Variants in NRG1 observed in about 807,000 individuals in gnomAD.
NRG1 encodes the protein pro-neuregulin-1, membrane-bound isoform.
NRG1 carries 18 observed loss-of-function variants against 63.8 expected under a neutral mutation model. The ratio of observed to expected loss-of-function variants is 0.28; its 90% confidence interval spans 0.19 to 0.42. The LOEUF is 0.42. NRG1 is among the 10% of genes least tolerant of loss of function. NRG1 has a pLI of 1.00. For synonymous variants in NRG1, 302 were observed against 301.3 expected (o/e 1.00, Z -0.02); for missense variants, 762 against 814.7 (o/e 0.94, Z 0.79).
chr8:32,639,267 G>A (rs1348181790), intron 5 of NRG1, among the ~76,000 whole-genome samples: 1 of 152,108 alleles, frequency 6.6e-6, no homozygotes, highest in Non-Finnish European at 1.5e-5. Context: ...TTAGCCAGGT[G>A]TGGTGGTGCA....
At chr8:32,110,629 A>G (rs1178280919) in intron 1 of NRG1, among the ~76,000 whole-genome samples, 1 of 152,146 alleles carries the variant, frequency 6.6e-6, no homozygotes, top group Non-Finnish European at 1.5e-5. Context: ...CTCTGTTACA[A>G]TAGAATCAAA....
chr8:32,656,942 G>T (rs1301951205), intron 5 of NRG1, among the ~76,000 whole-genome samples: 1 of 152,016 alleles, frequency 6.6e-6, no homozygotes, highest in Non-Finnish European at 1.5e-5. Flanking sequence ...TAGTGTTTGA[G>T]TTGCATTTCA....
chr8:32,752,801 G>T (rs766377533), intron 7 of NRG1, among the ~76,000 whole-genome samples: 1 of 151,910 alleles, frequency 6.6e-6, no homozygotes, highest in Non-Finnish European at 1.5e-5. Flanking sequence ...CAGCATTCTA[G>T]TCCTTTACCC....
At chr8:32,080,659 A>G (rs2346767) in intron 1 of NRG1, among the ~76,000 whole-genome samples, 147,875 of 152,154 alleles carry the variant, frequency 0.97, 72,004 homozygotes, top group East Asian at 1. Flanking sequence ...AAGTTCTGAG[A>G]TGATATTTCC....
chr8:31,827,323 G>C (rs1279703471), intron 1 of NRG1, among the ~76,000 whole-genome samples: 2 of 152,188 alleles, frequency 1.3e-5, no homozygotes, highest in Non-Finnish European at 2.9e-5. Context: ...CAAGGTATTT[G>C]TCTTAGAAGA....
At chr8:31,917,283 G>A (rs1373047106) in intron 1 of NRG1, among the ~76,000 whole-genome samples, 2 of 147,356 alleles carry the variant, frequency 1.4e-5, no homozygotes, top group East Asian at 2.0e-4. Flanking sequence ...TCTTGCCCAT[G>A]CCTATGTCCT....
rs1563428953 is a variant in NRG1, at chr8:32,412,463, T to TATATATGTATATATATAC, written c.38-183359_38-183358insGTATATATATACATATAT. On this transcript the variant is annotated intron_variant, in intron 1 of 10. Transcript: ENST00000519301. ...ATATATATATATATACATATATATA[T>TATATATGTATATATATAC]ATATATATATATGAACAGATACATC... 1.8e-3 allele frequency among the ~76,000 whole-genome samples: 212 copies of TATATATGTATATATATAC among 114,994 alleles called. 3 individuals carry two copies. The highest frequency in any genetic ancestry group is 6.6e-3 in the African/African-American group (207 of 31,578). 75.4% of individuals were successfully genotyped at this position (114,994 alleles called of 152,430 possible). A position where few individuals can be genotyped will look rare whatever the true frequency, so the allele number is the denominator to read the frequency against.
intron 1 of NRG1, among the ~76,000 whole-genome samples, chr8:31,733,664 C>T (rs1482231897): frequency 4.6e-5 from 7 of 152,128 alleles, no homozygotes; most frequent in Admixed American, 1.3e-4. Flanking sequence ...GGTTACCAGC[C>T]AGAGGACAGA....
intron 1 of NRG1, among the ~76,000 whole-genome samples, chr8:31,972,118 A>T (rs1807388703): frequency 6.6e-6 from 1 of 152,100 alleles, no homozygotes. Flanking sequence ...AATATTTGCC[A>T]CACTATGCCA....
At chr8:31,665,212 G>T (rs1806404635) in intron 1 of NRG1, among the ~76,000 whole-genome samples, 1 of 152,158 alleles carries the variant, frequency 6.6e-6, no homozygotes, top group South Asian at 2.1e-4. Context: ...CATAGGCTCA[G>T]AAAGTATAAA....
chr8:32,000,460 C>T (rs1208088025), intron 1 of NRG1, among the ~76,000 whole-genome samples: 1 of 151,650 alleles, frequency 6.6e-6, no homozygotes, highest in Non-Finnish European at 1.5e-5. Flanking sequence ...AAAGATGGGA[C>T]CTCACTCTCT....
chr8:32,498,916 T>C (rs1827533823), intron 1 of NRG1, among the ~76,000 whole-genome samples: 1 of 152,202 alleles, frequency 6.6e-6, no homozygotes, highest in East Asian at 1.9e-4. Flanking sequence ...ATAATCCTTA[T>C]GCCAAAGTAG....
At chr8:32,501,152 G>A (rs752539834) in intron 1 of NRG1, among the ~76,000 whole-genome samples, 3 of 152,144 alleles carry the variant, frequency 2.0e-5, no homozygotes, top group Non-Finnish European at 4.4e-5. Context: ...ATCTGTGAAT[G>A]ACAATGACTT....
At position 32,761,293 on chromosome 8, in the gene NRG1, A is replaced by T. The variant is rs567081546; in HGVS notation, c.1259+887A>T. On this transcript the variant is annotated intron_variant, in intron 11 of 11. Coordinates refer to ENST00000356819, the Ensembl canonical transcript of NRG1. Reference sequence around the variant, plus strand: ...CTGGGTTTTACTTTATTTTATTGTCATCTCAGGCTAATCTTTGACCATTTA... The same window carrying T: ...CTGGGTTTTACTTTATTTTATTGTCTTCTCAGGCTAATCTTTGACCATTTA... Among the ~76,000 whole-genome samples the T allele has an allele frequency of 4.6e-5, 7 of 152,228 alleles. No homozygotes were observed. The South Asian group carries it at 1.5e-3, about 32-fold the overall frequency.
At chr8:32,641,970 CA>C (rs1852482231) in intron 5 of NRG1, among the ~76,000 whole-genome samples, 2 of 152,058 alleles carry the variant, frequency 1.3e-5, no homozygotes, top group Non-Finnish European at 2.9e-5. Context: ...AGAGGAATGA[CA>C]AGAAAAAATA....
intron 1 of NRG1, among the ~76,000 whole-genome samples, chr8:32,307,589 TTGTGTGTGTGTG>T (rs371611530): frequency 1.5e-4 from 14 of 93,488 alleles, no homozygotes; most frequent in South Asian, 3.3e-4. Context: ...ACCCAGGGGT[TTGTGTGTGTGTG>T]TGTGTGTGTG....
intron 5 of NRG1, among the ~76,000 whole-genome samples, chr8:32,707,894 C>A (rs1256648036): frequency 1.3e-5 from 2 of 151,788 alleles, no homozygotes; most frequent in East Asian, 3.9e-4. Flanking sequence ...ATTAGAGACT[C>A]TCTTTCTCCC....
intron 1 of NRG1, among the ~76,000 whole-genome samples, chr8:32,193,713 A>G (rs1842713054): frequency 6.6e-6 from 1 of 152,090 alleles, no homozygotes; most frequent in Non-Finnish European, 1.5e-5. Context: ...ATAGAACCTT[A>G]TTTGGAGGTA....
chr8:32,604,926 T>G (rs1489431092), intron 2 of NRG1, among the ~76,000 whole-genome samples: 1 of 152,108 alleles, frequency 6.6e-6, no homozygotes, highest in African/African-American at 2.4e-5. Flanking sequence ...TATAAAACTA[T>G]GTGATAATGT....
Sources: allele counts gnomAD v4.1 joint callset (sites outside exome capture counted in the v4.1 genomes callset), GRCh38; gene constraint gnomAD v4.1.1; transcripts MANE v1.5; gene names NCBI Gene and HGNC (gene_info 2026-07-23, HGNC 2026-07-21).